The following ARHGAP32 variants were observed in gnomAD, a reference collection of about 807,000 sequenced individuals.
ARHGAP32 encodes Rho GTPase activating protein 32.
A neutral mutation model predicts 186.5 loss-of-function variants in ARHGAP32; 51 were observed. The observed-to-expected ratio is 0.27, with a 90% CI of 0.22 to 0.35. The LOEUF is 0.35. Ranked by LOEUF, ARHGAP32 falls within the 10% of genes least tolerant of loss-of-function variation. The probability of loss-of-function intolerance (pLI) is 1.00; values close to 1 mark genes in which losing one functional copy is unlikely to be tolerated. For missense variants in ARHGAP32, 2,186 were observed against 2,623.5 expected (o/e 0.83, Z 3.64); for synonymous variants, 950 against 964.3 (o/e 0.99, Z 0.27).
At chr11:129,086,043 C>G (rs556255105) in intron 6 of ARHGAP32, among the ~76,000 whole-genome samples, 2 of 150,596 alleles carry the variant, frequency 1.3e-5, no homozygotes, top group Admixed American at 1.3e-4. Context: ...AAAAAAGAAG[C>G]CATACTAATC....
intron 10 of ARHGAP32, among the ~76,000 whole-genome samples, chr11:129,057,102 G>A (rs1002024219): frequency 5.3e-5 from 8 of 152,156 alleles, no homozygotes; most frequent in Non-Finnish European, 8.8e-5. Context: ...GGCTGACCGA[G>A]GTGCATGCTG....
At position 128,968,991 on chromosome 11, in the gene ARHGAP32, G is replaced by A. The variant is rs764030825; in HGVS notation, c.6222C>T (p.Thr2074=). 9 of 1,605,564 alleles carry A rather than the reference G, an allele frequency of 5.6e-6. No homozygotes were observed. Among genetic ancestry groups the A allele is most frequent in the Non-Finnish European group, 6.8e-6 (8 of 1,174,190 alleles). Residue 2074 remains threonine (T), a synonymous_variant, in exon 23 of 23, where the codon ACC becomes ACT. Transcript: ENST00000682385. The part of the protein sequence containing the change: ...PPGFPHPQSR[T]YATALGQGAF... The stretch of plus-strand genomic sequence containing the variant: ...CCCCTTGACCCAACGCTGTAGCATA[G>A]GTCCTGCTCTGTGGATGGGGAAAGC...
At chr11:129,247,243 A>AG (rs1945112809) in intron 1 of ARHGAP32, among the ~76,000 whole-genome samples, 1 of 152,168 alleles carries the variant, frequency 6.6e-6, no homozygotes. Flanking sequence ...TTTACATGCT[A>AG]AAAGTATAAA....
At chr11:129,098,548 T>C (rs1222410755) in intron 5 of ARHGAP32, among the ~76,000 whole-genome samples, 1 of 152,024 alleles carries the variant, frequency 6.6e-6, no homozygotes, top group Non-Finnish European at 1.5e-5. Context: ...ACCTCCTGAA[T>C]AGCTGGGACT....
intron 10 of ARHGAP32, among the ~76,000 whole-genome samples, chr11:129,058,465 G>C (rs149854514): frequency 2.6e-5 from 4 of 152,196 alleles, no homozygotes; most frequent in Admixed American, 2.0e-4. Context: ...ATTAACTTTA[G>C]ACTGTTGGCT....
Position 129,017,515 on chromosome 11 carries a change from G to C in ARHGAP32, c.1046-19047C>G, listed in dbSNP as rs192358381. On this transcript the variant is annotated intron_variant, in intron 11 of 22. Transcript: ENST00000682385. ...TAACTACTGAACAGCATTATTGTGA[G>C]AATTAAATGAGTTAAAATTATAAAG... Among the ~76,000 whole-genome samples the C allele has an allele frequency of 2.3e-3, 351 of 151,398 alleles. 1 individual carries two copies. The highest frequency in any genetic ancestry group is 8.3e-3 in the African/African-American group (342 of 41,300).
chr11:129,213,116 C>A (rs1043451150), intron 1 of ARHGAP32, among the ~76,000 whole-genome samples: 3 of 152,106 alleles, frequency 2.0e-5, no homozygotes, highest in East Asian at 1.9e-4. Context: ...AAGACATATG[C>A]ATTTCCATTT....
intron 10 of ARHGAP32, 139 bp downstream of exon 10, chr11:129,062,141 T>C (rs1940525555): frequency 3.0e-6 from 2 of 675,842 alleles, no homozygotes; most frequent in South Asian, 3.8e-5. Flanking sequence ...TCTATTATCA[T>C]TACTATCTGC....
At chr11:129,278,114 A>T (rs1945555796) in intron 1 of ARHGAP32, among the ~76,000 whole-genome samples, 1 of 152,228 alleles carries the variant, frequency 6.6e-6, no homozygotes, top group Non-Finnish European at 1.5e-5. Context: ...AAAAGCAACC[A>T]ATGTATCAGA....
intron 1 of ARHGAP32, among the ~76,000 whole-genome samples, chr11:129,202,598 C>T (rs1172323563): frequency 6.6e-6 from 1 of 152,108 alleles, no homozygotes; most frequent in Non-Finnish European, 1.5e-5. Flanking sequence ...ATCAAGATCT[C>T]AGAATCATGA....
intron 1 of ARHGAP32, among the ~76,000 whole-genome samples, chr11:129,249,310 TACTC>T (rs1337185209): frequency 6.6e-6 from 1 of 151,998 alleles, no homozygotes; most frequent in Non-Finnish European, 1.5e-5. Context: ...AAAAAAGTAA[TACTC>T]ATACATATAT....
intron 1 of ARHGAP32, among the ~76,000 whole-genome samples, chr11:129,241,471 C>T (rs961340701): frequency 6.6e-6 from 1 of 152,094 alleles, no homozygotes; most frequent in Non-Finnish European, 1.5e-5. Flanking sequence ...AGCAAGCCCA[C>T]ATCTCTACAA....
At position 129,057,701 on chromosome 11, in the gene ARHGAP32, TAAAAAAA is replaced by T. The variant is rs34991638; in HGVS notation, c.963+4572_963+4578del. 2.4e-3 allele frequency among the ~76,000 whole-genome samples: 313 copies of T among 130,224 alleles called. 4 individuals carry two copies. The highest frequency in any genetic ancestry group is 2.9e-3 in the Non-Finnish European group (169 of 58,752). 85.4% of individuals were successfully genotyped at this position (130,224 alleles called of 152,430 possible). On this transcript the variant is annotated intron_variant, in intron 10 of 22. Coordinates refer to ENST00000682385, the MANE Select transcript of ARHGAP32 (RefSeq NM_001378024.1). Reference sequence around the variant, plus strand: ...ATACTGTATTTTCAATAGCGTTTGATAAAAAAAAAAAAAAAAAAATCTGTGTATTAGT... The same window carrying T: ...ATACTGTATTTTCAATAGCGTTTGATAAAAAAAAAAAATCTGTGTATTAGT...
chr11:129,046,789 G>A (rs771710408), intron 10 of ARHGAP32, among the ~76,000 whole-genome samples: 2 of 152,064 alleles, frequency 1.3e-5, no homozygotes, highest in Admixed American at 1.3e-4. Context: ...AACCTAAAAA[G>A]GAATTCAGCA....
chr11:129,221,195 G>A (rs1204228018), intron 1 of ARHGAP32, among the ~76,000 whole-genome samples: 1 of 152,018 alleles, frequency 6.6e-6, no homozygotes, highest in African/African-American at 2.4e-5. Flanking sequence ...GATACTGCCC[G>A]CAAAAATAAA....
chr11:129,085,684 C>T (rs143734247), intron 6 of ARHGAP32, among the ~76,000 whole-genome samples: 15 of 152,190 alleles, frequency 9.9e-5, no homozygotes, highest in African/African-American at 3.1e-4. Flanking sequence ...GGAAGGCTGA[C>T]ACTACCAGAC....
Position 128,981,449 on chromosome 11 carries a change from C to T in ARHGAP32, c.1747G>A (p.Gly583Ser), listed in dbSNP as rs745732582. ...TCTTGCATGGCCATGCTGATTCTGC[C>T]GCTGAACAGCACATCAACGTGATTC... Reference protein sequence around the residue: ...ILNHVDVLFSGRISMAMQEGA... With the variant: ...ILNHVDVLFSSRISMAMQEGA... The change falls in exon 17 of 23, where the codon GGC becomes AGC. Residue 583 changes from glycine (G) to serine (S), a missense_variant. Coordinates refer to ENST00000682385, the MANE Select transcript of ARHGAP32 (RefSeq NM_001378024.1). 6.8e-6 allele frequency: 11 copies of T among 1,612,272 alleles called. No homozygotes were observed. Among genetic ancestry groups the T allele is most frequent in the African/African-American group, 2.7e-5 (2 of 75,026 alleles).
intron 12 of ARHGAP32, among the ~76,000 whole-genome samples, chr11:128,995,425 G>A (rs1038668039): frequency 6.6e-6 from 1 of 152,140 alleles, no homozygotes. Context: ...TGCCCAGGCT[G>A]GTGTAAACTC....
intron 1 of ARHGAP32, among the ~76,000 whole-genome samples, chr11:129,221,640 T>C (rs1944713161): frequency 6.6e-6 from 1 of 151,262 alleles, no homozygotes; most frequent in African/African-American, 2.4e-5. Context: ...CAATGGTGAA[T>C]ACTGAAGAAA....
Sources: gnomAD v4.1 joint callset for allele counts (sites outside exome capture counted in the v4.1 genomes callset) on GRCh38, gnomAD v4.1.1 for gene constraint, MANE v1.5 for transcripts, NCBI Gene and HGNC (gene_info 2026-07-23, HGNC 2026-07-21) for gene names.